The following LHFPL6 variants were observed in gnomAD, a reference collection of about 807,000 sequenced individuals.
LHFPL6 encodes the protein LHFPL tetraspan subfamily member 6.
Under a neutral mutation model 20.6 loss-of-function variants are expected in LHFPL6, and 9 were observed. The ratio of observed to expected loss-of-function variants is 0.44; its 90% CI spans 0.26 to 0.76. The LOEUF (loss-of-function observed/expected upper bound fraction) is 0.76, where lower values mean the gene tolerates loss of function less well. Among genes scored for constraint, LHFPL6 ranks in the 30% least tolerant of loss-of-function variants. LHFPL6 has a pLI of 0.20. For missense variants in LHFPL6, 218 were observed against 253.5 expected, an observed-to-expected ratio of 0.86 and a Z score of 0.95; for synonymous variants, 105 against 98.7, an observed-to-expected ratio of 1.06 and a Z score of -0.38.
chr13:39,519,707 T>C (rs879808355), intron 2 of LHFPL6, among the ~76,000 whole-genome samples: 7 of 152,198 alleles, frequency 4.6e-5, no homozygotes, highest in Non-Finnish European at 4.4e-5. Flanking sequence ...CTATTCTTTC[T>C]CTCTGACCTT....
chr13:39,514,724 A>G (rs1481139866), intron 2 of LHFPL6, among the ~76,000 whole-genome samples: 2 of 152,236 alleles, frequency 1.3e-5, no homozygotes, highest in South Asian at 4.1e-4. Context: ...AGGGAAGCAA[A>G]ACACTGAATT....
chr13:39,401,176 G>A (rs1391930077), intron 2 of LHFPL6, among the ~76,000 whole-genome samples: 3 of 152,118 alleles, frequency 2.0e-5, no homozygotes, highest in South Asian at 2.1e-4. Flanking sequence ...ATCCTTTCAC[G>A]TGGCTTTGGG....
chr13:39,406,675 T>C (rs1473489567), intron 2 of LHFPL6, among the ~76,000 whole-genome samples: 3 of 152,226 alleles, frequency 2.0e-5, no homozygotes, highest in Admixed American at 2.0e-4. Flanking sequence ...TCCATTTTAA[T>C]GTAATCACAG....
intron 2 of LHFPL6, among the ~76,000 whole-genome samples, chr13:39,520,446 C>T (rs917305424): frequency 1.3e-5 from 2 of 152,172 alleles, no homozygotes; most frequent in African/African-American, 4.8e-5. Context: ...ATGGAACTTT[C>T]AGTTAGCACA....
At chr13:39,429,389 C>G (rs2138403053) in intron 2 of LHFPL6, among the ~76,000 whole-genome samples, 1 of 152,182 alleles carries the variant, frequency 6.6e-6, no homozygotes, top group East Asian at 1.9e-4. Context: ...TTCCTGATAA[C>G]AATCTATTTT....
intron 2 of LHFPL6, among the ~76,000 whole-genome samples, chr13:39,464,751 T>C (rs1872763035): frequency 6.6e-6 from 1 of 151,116 alleles, no homozygotes; most frequent in African/African-American, 2.4e-5. Flanking sequence ...ATTTTGAATA[T>C]TTGGTTACTA....
intron 2 of LHFPL6, among the ~76,000 whole-genome samples, chr13:39,555,021 C>T (rs899660342): frequency 3.9e-5 from 6 of 152,072 alleles, no homozygotes; most frequent in African/African-American, 1.4e-4. Context: ...GAAGTCAAGT[C>T]CAGATGTGGT....
chr13:39,513,533 A>G (rs181537770), intron 2 of LHFPL6, among the ~76,000 whole-genome samples: 16 of 152,368 alleles, frequency 1.1e-4, no homozygotes, highest in Admixed American at 2.0e-4. Flanking sequence ...ATAAGTCTAC[A>G]TGTTCTAGAG....
chr13:39,451,182 A>G (rs1872436189), intron 2 of LHFPL6, among the ~76,000 whole-genome samples: 1 of 152,126 alleles, frequency 6.6e-6, no homozygotes, highest in African/African-American at 2.4e-5. Context: ...TTGTTTATTT[A>G]TTTATTAAGG....
At chr13:39,491,934 TTAAACAAGAGATGGC>T (rs1203946929) in intron 2 of LHFPL6, among the ~76,000 whole-genome samples, 2 of 152,192 alleles carry the variant, frequency 1.3e-5, no homozygotes, top group Non-Finnish European at 2.9e-5. Context: ...TTAAAGATGT[TTAAACAAGAGATGGC>T]AGAAATTTAC....
At chr13:39,362,042 A>G (rs1869887233) in intron 3 of LHFPL6, among the ~76,000 whole-genome samples, 1 of 152,224 alleles carries the variant, frequency 6.6e-6, no homozygotes. Context: ...TATATCTAAA[A>G]TTACTCCAAA....
In LHFPL6 at chr13:39,602,888, T is replaced by A. The variant is rs1873011784; in HGVS notation, c.-180A>T. On this transcript the variant is annotated 5_prime_UTR_variant, in exon 1 of 4. Transcript: ENST00000379589. ...CAGCCGAGTGATTTACTTACATGGC[T>A]GGCGGGCGGCGGCCACCTTCCCTCC... The A allele has an allele frequency of 6.6e-6, 1 of 152,404 alleles. No homozygotes were observed. The allele number at this position is 152,404 out of a possible 1,614,324, so 9.4% of individuals were successfully genotyped here.
chr13:39,446,011 T>C (rs374424761), intron 2 of LHFPL6, among the ~76,000 whole-genome samples: 5 of 152,346 alleles, frequency 3.3e-5, no homozygotes, highest in Admixed American at 6.5e-5. Context: ...CATTCCATCA[T>C]ATTTTTATTG....
At chr13:39,477,028 A>G (rs2138441597) in intron 2 of LHFPL6, among the ~76,000 whole-genome samples, 1 of 152,322 alleles carries the variant, frequency 6.6e-6, no homozygotes, top group Non-Finnish European at 1.5e-5. Context: ...AGGTTTTGAC[A>G]TTTTATAAAT....
intron 3 of LHFPL6, among the ~76,000 whole-genome samples, chr13:39,353,807 A>G (rs1869656715): frequency 6.6e-6 from 1 of 152,164 alleles, no homozygotes; most frequent in East Asian, 1.9e-4. Flanking sequence ...TGTCCTATAC[A>G]CAACTCCAAG....
chr13:39,509,221 TTTC>T (rs1869599196), intron 2 of LHFPL6, among the ~76,000 whole-genome samples: 1 of 152,368 alleles, frequency 6.6e-6, no homozygotes, highest in East Asian at 1.9e-4. Flanking sequence ...ATTGCATTGT[TTTC>T]TTATTATCAA....
chr13:39,499,536 C>T (rs1397554095), intron 2 of LHFPL6, among the ~76,000 whole-genome samples: 7 of 151,126 alleles, frequency 4.6e-5, no homozygotes, highest in South Asian at 2.1e-4. Flanking sequence ...TCTCAGTCCA[C>T]GAGGTCCAGG....
chr13:39,438,445 A>T (rs192417765), intron 2 of LHFPL6, among the ~76,000 whole-genome samples: 149 of 152,378 alleles, frequency 9.8e-4, no homozygotes, highest in African/African-American at 3.4e-3. Context: ...CGTCTTGGCC[A>T]TATGGTAGAA....
At chr13:39,558,038 C>T (rs1026011699) in intron 2 of LHFPL6, among the ~76,000 whole-genome samples, 2 of 152,220 alleles carry the variant, frequency 1.3e-5, no homozygotes, top group East Asian at 1.9e-4. Flanking sequence ...GCTTTCCGTA[C>T]GGCCTGCAGA....
Sources: gnomAD v4.1 joint callset for allele counts (sites outside exome capture counted in the v4.1 genomes callset) on GRCh38, gnomAD v4.1.1 for gene constraint, MANE v1.5 for transcripts, NCBI Gene and HGNC (gene_info 2026-07-23, HGNC 2026-07-21) for gene names.